IRAG2: variants seen among roughly 807,000 people sequenced by gnomAD.
IRAG2 encodes lymphoid restricted membrane protein.
Under a neutral mutation model 69.9 loss-of-function variants are expected in IRAG2, and 45 were observed. That is an observed-to-expected ratio of 0.64 (90% CI 0.51 to 0.83). IRAG2 has a LOEUF of 0.83. Among genes scored for constraint, IRAG2 ranks in the 40% least tolerant of loss-of-function variants. The probability of loss-of-function intolerance (pLI) is 0.00; values close to 1 mark genes in which losing one functional copy is unlikely to be tolerated. For synonymous variants in IRAG2, 193 were observed against 202.4 expected, an observed-to-expected ratio of 0.95 and a Z score of 0.40; for missense variants, 520 against 587.0, an observed-to-expected ratio of 0.89 and a Z score of 1.18.
chr12:25,041,653 C>T (rs1240462382), intron 16 of IRAG2, among the ~76,000 whole-genome samples: 2 of 144,888 alleles, frequency 1.4e-5, no homozygotes, highest in Non-Finnish European at 3.0e-5. Context: ...CTATGCTCCG[C>T]TAAGTTTTGT....
At chr12:25,081,183 C>CTG (rs766802881) in intron 9 of IRAG2, among the ~76,000 whole-genome samples, 110 of 152,132 alleles carry the variant, frequency 7.2e-4, no homozygotes, top group Non-Finnish European at 1.3e-3. Flanking sequence ...ATTATTGTGG[C>CTG]TGGGCGTGGT....
chr12:25,019,916 T>A (rs1298725270), intron 6 of IRAG2, among the ~76,000 whole-genome samples: 1 of 152,180 alleles, frequency 6.6e-6, no homozygotes. Context: ...CAGAAACCCT[T>A]ATTTCTTTTG....
intron 15 of IRAG2, among the ~76,000 whole-genome samples, chr12:25,037,537 G>A (rs1359833604): frequency 6.6e-6 from 1 of 152,098 alleles, no homozygotes; most frequent in Non-Finnish European, 1.5e-5. Context: ...GACTTCAGGT[G>A]ATCCACCCAC....
intron 10 of IRAG2, among the ~76,000 whole-genome samples, chr12:25,084,138 A>G (rs2140132798): frequency 6.6e-6 from 1 of 152,356 alleles, no homozygotes; most frequent in East Asian, 1.9e-4. Flanking sequence ...CTGTAATCCC[A>G]GCACTTTGAG....
intron 16 of IRAG2, among the ~76,000 whole-genome samples, chr12:25,044,980 A>G (rs1944780695): frequency 6.6e-6 from 1 of 152,158 alleles, no homozygotes; most frequent in Admixed American, 6.5e-5. Flanking sequence ...CACATAGAAC[A>G]TTCTTCAGGA....
the IRAG2 span, among the ~76,000 whole-genome samples, chr12:24,998,203 AAG>A: frequency 6.6e-6 from 1 of 152,228 alleles, no homozygotes; most frequent in Non-Finnish European, 1.5e-5. Context: ...TTGTTCCAAT[AAG>A]AGATGTTTAT....
At chr12:25,091,857 T>A (rs1436377505) in intron 14 of IRAG2, among the ~76,000 whole-genome samples, 1 of 152,228 alleles carries the variant, frequency 6.6e-6, no homozygotes, top group African/African-American at 2.4e-5. Flanking sequence ...CTCTAATGGA[T>A]AATGATATTG....
At chr12:24,997,848 C>G in the IRAG2 span, among the ~76,000 whole-genome samples, 1 of 152,144 alleles carries the variant, frequency 6.6e-6, no homozygotes, top group Non-Finnish European at 1.5e-5. Context: ...AAGAAAAACA[C>G]TCTACAAATA....
chr12:25,093,828 T>G (rs1357730999), intron 14 of IRAG2: 1 of 153,718 alleles, frequency 6.5e-6, no homozygotes, highest in African/African-American at 2.4e-5. Flanking sequence ...ACAGGATGTA[T>G]TCTTCATAAA....
chr12:25,018,849 A>G (rs942883759), intron 6 of IRAG2, among the ~76,000 whole-genome samples: 2 of 152,212 alleles, frequency 1.3e-5, no homozygotes, highest in Non-Finnish European at 2.9e-5. Context: ...AAATTAAGCC[A>G]CGTGTCTTTC....
chr12:25,056,545 C>G (rs150140448), intron 1 of IRAG2, among the ~76,000 whole-genome samples: 1 of 152,258 alleles, frequency 6.6e-6, no homozygotes, highest in African/African-American at 2.4e-5. Flanking sequence ...CTTCAGTATC[C>G]TCTTTGGTTA....
At chr12:25,019,725 T>C (rs1301782727) in intron 6 of IRAG2, among the ~76,000 whole-genome samples, 2 of 151,820 alleles carry the variant, frequency 1.3e-5, no homozygotes, top group East Asian at 1.9e-4. Context: ...GGTCCAGGTT[T>C]GAGGGTGGAA....
chr12:25,035,622 T>C (rs946866246), intron 13 of IRAG2: 7 of 398,814 alleles, frequency 1.8e-5, no homozygotes, highest in Admixed American at 8.8e-5. Context: ...TATTCAGATG[T>C]CAATTGTGGG....
chr12:25,057,082 A>G (rs112550042), intron 1 of IRAG2, among the ~76,000 whole-genome samples: 4,157 of 150,198 alleles, frequency 0.028, 174 homozygotes, highest in African/African-American at 0.096. Context: ...CAGCATTTCC[A>G]CTCTCTTGTT....
At chr12:25,043,457 C>T (rs146747364) in intron 16 of IRAG2, among the ~76,000 whole-genome samples, 1 of 152,278 alleles carries the variant, frequency 6.6e-6, no homozygotes, top group African/African-American at 2.4e-5. Flanking sequence ...AACTAGCATG[C>T]ATGCGCTTGC....
intron 16 of IRAG2, among the ~76,000 whole-genome samples, chr12:25,045,216 A>G (rs1198688080): frequency 6.6e-6 from 1 of 152,126 alleles, no homozygotes; most frequent in African/African-American, 2.4e-5. Flanking sequence ...AAACAAAAGC[A>G]CATACCAAAA....
chr12:25,028,968 G>A (rs1944647645), intron 9 of IRAG2, among the ~76,000 whole-genome samples: 1 of 152,208 alleles, frequency 6.6e-6, no homozygotes, highest in South Asian at 2.1e-4. Context: ...CATTATCATA[G>A]TTCACTGCAG....
chr12:25,044,364 A>C (rs1944774409), intron 16 of IRAG2, among the ~76,000 whole-genome samples: 1 of 151,418 alleles, frequency 6.6e-6, no homozygotes, highest in Non-Finnish European at 1.5e-5. Context: ...AGAGGGAAAA[A>C]ATAACTACAA....
chr12:25,013,756 T>C (rs1228279867), intron 3 of IRAG2, among the ~76,000 whole-genome samples: 1 of 151,902 alleles, frequency 6.6e-6, no homozygotes, highest in Non-Finnish European at 1.5e-5. Flanking sequence ...ATTCATGTAG[T>C]ATAATCCCAT....
Sources: gnomAD v4.1 joint callset for allele counts (sites outside exome capture counted in the v4.1 genomes callset) on GRCh38, gnomAD v4.1.1 for gene constraint, MANE v1.5 for transcripts, NCBI Gene and HGNC (gene_info 2026-07-23, HGNC 2026-07-21) for gene names.